The following RSPH14 variants were observed in gnomAD, a reference collection of about 807,000 sequenced individuals.
The protein encoded by RSPH14 is radial spoke head 14 homolog.
A neutral mutation model predicts 26.7 loss-of-function variants in RSPH14; 20 were observed. That is an observed-to-expected ratio of 0.75 (90% CI 0.53 to 1.09). The LOEUF (loss-of-function observed/expected upper bound fraction) is 1.09, where lower values mean the gene tolerates loss of function less well. RSPH14 is among the 50% of genes least tolerant of loss of function. The pLI, the probability that RSPH14 is intolerant of heterozygous loss-of-function variation, is 0.00. For missense variants in RSPH14, 449 were observed against 457.2 expected (o/e 0.98, Z 0.16); for synonymous variants, 177 against 189.3 (o/e 0.93, Z 0.53).
intron 3 of RSPH14, among the ~76,000 whole-genome samples, chr22:23,134,571 AAGG>A (rs1461621397): frequency 6.9e-6 from 1 of 143,954 alleles, no homozygotes; most frequent in African/African-American, 2.5e-5. Context: ...AAAAAAAAAA[AAGG>A]AGATGATTGG....
chr22:23,160,166 G>C, the RSPH14 span, among the ~76,000 whole-genome samples: 24 of 152,170 alleles, frequency 1.6e-4, no homozygotes, highest in African/African-American at 5.1e-4. Context: ...CTGAGGGTTG[G>C]CGTCACAAGT....
At chr22:23,142,949 A>C (rs2070626794), upstream of RSPH14, among the ~76,000 whole-genome samples, 3 of 152,188 alleles carry the variant, frequency 2.0e-5, no homozygotes, top group African/African-American at 4.8e-5. Context: ...TCGCTCATGA[A>C]GCCTGAGCGC....
the RSPH14 span, among the ~76,000 whole-genome samples, chr22:23,158,726 C>T: frequency 5.3e-5 from 8 of 152,216 alleles, no homozygotes; most frequent in African/African-American, 1.9e-4. Flanking sequence ...GTCCAGCCAA[C>T]GCCCTTCCGG....
upstream of RSPH14, chr22:23,145,978 T>G (rs2070749545): frequency 1.0e-6 from 1 of 985,254 alleles, no homozygotes; most frequent in Non-Finnish European, 1.2e-6. Context: ...AGGAGACCCC[T>G]CCCCACTCTA....
intron 4 of RSPH14, among the ~76,000 whole-genome samples, chr22:23,118,856 AC>A (rs1478434589): frequency 6.6e-6 from 1 of 152,128 alleles, no homozygotes; most frequent in Non-Finnish European, 1.5e-5. Context: ...GGAGGGCAAA[AC>A]CCCATGCAGG....
chr22:23,138,792 G>A, intron 3 of RSPH14, 48 bp downstream of exon 3: 2 of 1,467,836 alleles, frequency 1.4e-6, no homozygotes, highest in Non-Finnish European at 1.9e-6. Flanking sequence ...ACCCAGGGGA[G>A]AAGTGCGGCT....
intron 4 of RSPH14, chr22:23,123,595 A>G: frequency 3.3e-6 from 2 of 601,838 alleles, no homozygotes; most frequent in Non-Finnish European, 5.9e-6. Flanking sequence ...GCAAACATAA[A>G]TATTTACGGA....
At chr22:23,151,821 G>A in the RSPH14 span, among the ~76,000 whole-genome samples, 1 of 152,230 alleles carries the variant, frequency 6.6e-6, no homozygotes, top group Admixed American at 6.5e-5. Flanking sequence ...CCCACAGAGA[G>A]CCCAAGAACC....
At chr22:23,146,569 G>C (rs370731302), upstream of RSPH14, 304 of 1,609,352 alleles carry the variant, frequency 1.9e-4, 1 homozygote, top group Middle Eastern at 3.3e-3. Context: ...TATTTGCACA[G>C]CTCCTTAACT....
the RSPH14 span, chr22:23,180,152 C>T: frequency 4.1e-6 from 1 of 244,382 alleles, no homozygotes. Flanking sequence ...GGCTTGGGGA[C>T]ACGCGGCTGG....
the RSPH14 span, chr22:23,153,465 A>G: frequency 1.6e-6 from 1 of 619,732 alleles, no homozygotes; most frequent in East Asian, 1.4e-4. Context: ...GATCCCACTC[A>G]CCAGGCCAGC....
At chr22:23,133,192 A>T (rs553803276) in intron 4 of RSPH14, among the ~76,000 whole-genome samples, 1 of 152,312 alleles carries the variant, frequency 6.6e-6, no homozygotes, top group Admixed American at 6.5e-5. Context: ...AGCTAGAAAC[A>T]ATTCAGATGT....
chr22:23,146,735 A>G (rs773887806), upstream of RSPH14: 1 of 1,603,342 alleles, frequency 6.2e-7, no homozygotes, highest in Admixed American at 1.7e-5. Flanking sequence ...CAGCCACATC[A>G]GCTCTCCCCA....
At chr22:23,102,497 G>T (rs1239639206) in intron 4 of RSPH14, among the ~76,000 whole-genome samples, 1 of 152,242 alleles carries the variant, frequency 6.6e-6, no homozygotes, top group Non-Finnish European at 1.5e-5. Flanking sequence ...CCATTTCTTA[G>T]CCCGCCTTGT....
At chr22:23,104,066 T>G (rs2069385760) in intron 4 of RSPH14, among the ~76,000 whole-genome samples, 1 of 145,066 alleles carries the variant, frequency 6.9e-6, no homozygotes. Context: ...AACGTGGGGG[T>G]GGTGATCTGA....
At chr22:23,167,378 G>A in the RSPH14 span, among the ~76,000 whole-genome samples, 1 of 152,192 alleles carries the variant, frequency 6.6e-6, no homozygotes, top group East Asian at 1.9e-4. Flanking sequence ...AGCCATGGTT[G>A]ACAGAGGCTC....
chr22:23,085,450 A>T (rs1216178541), intron 4 of RSPH14, among the ~76,000 whole-genome samples: 1 of 152,188 alleles, frequency 6.6e-6, no homozygotes, highest in Non-Finnish European at 1.5e-5. Context: ...TCAGTTGCCC[A>T]TACAGATCTG....
At chr22:23,134,199 A>C (rs1184663289) in intron 3 of RSPH14, 55 bp from the exon 4 acceptor site, 5 of 1,328,092 alleles carry the variant, frequency 3.8e-6, no homozygotes, top group Non-Finnish European at 5.3e-6. Flanking sequence ...TGAGAGGCTC[A>C]AATTAGAAGA....
At chr22:23,162,880 T>A in the RSPH14 span, 1 of 375,008 alleles carries the variant, frequency 2.7e-6, no homozygotes, top group African/African-American at 2.1e-5. Context: ...CATTCCCCCT[T>A]CAACATATTT....
Sources: gnomAD v4.1 joint callset for allele counts (sites outside exome capture counted in the v4.1 genomes callset) on GRCh38, gnomAD v4.1.1 for gene constraint, MANE v1.5 for transcripts, NCBI Gene and HGNC (gene_info 2026-07-23, HGNC 2026-07-21) for gene names.